Variants in NEDD1 observed in about 807,000 individuals in gnomAD.
The protein encoded by NEDD1 is protein NEDD1.
In NEDD1, 33 loss-of-function variants were observed where a neutral mutation model predicts 74.0. The ratio of observed to expected loss-of-function variants is 0.45; its 90% CI spans 0.34 to 0.60. NEDD1 has a LOEUF of 0.60. NEDD1 is among the 20% of genes least tolerant of loss of function. NEDD1 has a pLI of 0.01. For synonymous variants in NEDD1, 250 were observed against 264.4 expected (o/e 0.95, Z 0.53); for missense variants, 746 against 776.5 (o/e 0.96, Z 0.47).
At chr12:96,921,118 A>G (rs975736659) in intron 6 of NEDD1, among the ~76,000 whole-genome samples, 2 of 152,162 alleles carry the variant, frequency 1.3e-5, no homozygotes, top group African/African-American at 2.4e-5. Context: ...TACTATGACA[A>G]TATAAACTGG....
intron 6 of NEDD1, among the ~76,000 whole-genome samples, chr12:96,926,237 C>T (rs1875676312): frequency 6.6e-6 from 1 of 152,024 alleles, no homozygotes. Flanking sequence ...GCAACTTGAC[C>T]CCAGTGATCA....
intron 13 of NEDD1, among the ~76,000 whole-genome samples, 157 bp downstream of exon 13, chr12:96,944,952 C>T (rs897098079): frequency 1.3e-5 from 2 of 152,008 alleles, no homozygotes; most frequent in Admixed American, 6.6e-5. Flanking sequence ...TTACTAAAGA[C>T]AATGAAATGG....
At position 96,920,112 on chromosome 12, in the gene NEDD1, A is replaced by G; in HGVS notation, c.476A>G (p.His159Arg). The G allele has an allele frequency of 5.6e-6, 9 of 1,597,424 alleles. No homozygotes were observed. Among genetic ancestry groups the G allele is most frequent in the African/African-American group, 1.3e-5 (1 of 74,552 alleles). The change falls in exon 6 of 16, where the codon CAT becomes CGT. Residue 159 changes from histidine (H) to arginine (R), a missense_variant. By Grantham distance (29) the His-to-Arg change is conservative (BLOSUM62 0). Around this residue, in one of 3 missense-constraint regions of NEDD1, gnomAD observed 706 missense variants for 706.7 expected, o/e 1.00. Coordinates refer to ENST00000266742, the MANE Select transcript of NEDD1 (RefSeq NM_152905.4). ...AATTTATCTAGTACTCCTTTTGGCCATGGTAGTAACCAGGTACAGTATGAG... is the reference window on the plus strand; with the variant it reads ...AATTTATCTAGTACTCCTTTTGGCCGTGGTAGTAACCAGGTACAGTATGAG... Reference protein sequence around the residue: ...TTNLSSTPFGHGSNQSVRHLK... With the variant: ...TTNLSSTPFGRGSNQSVRHLK...
In NEDD1 at chr12:96,937,258, G is replaced by A. The variant is rs1480927915; in HGVS notation, c.982G>A (p.Val328Met). 1.2e-6 allele frequency: 2 copies of A among 1,612,692 alleles called. No homozygotes were observed. The highest frequency in any genetic ancestry group is 1.3e-5 in the African/African-American group (1 of 74,822). The change falls in exon 9 of 16, where the codon GTG (valine) becomes ATG (methionine). Residue 328 changes from valine to methionine, a missense_variant. By Grantham distance (21) the Val-to-Met change is conservative (BLOSUM62 1). Coordinates refer to ENST00000266742, the MANE Select transcript of NEDD1 (RefSeq NM_152905.4). ...PTTVNKRSVN[V>M]NAASGGVQNS... ...AACAGTGAACAAACGAAGTGTTAAT[G>A]TGAATGCTGCTAGTGGAGGAGTTCA... is the stretch of plus-strand genomic sequence containing the variant.
chr12:96,940,380 C>G (rs755190334), intron 9 of NEDD1, 29 bp from the exon 10 acceptor site: 29 of 1,406,550 alleles, frequency 2.1e-5, no homozygotes, highest in Non-Finnish European at 2.9e-5. Flanking sequence ...GATGTAATAA[C>G]ATTGATTTTT....
At chr12:96,932,708 C>G (rs993665607) in intron 6 of NEDD1, among the ~76,000 whole-genome samples, 3 of 150,674 alleles carry the variant, frequency 2.0e-5, no homozygotes, top group African/African-American at 7.3e-5. Flanking sequence ...ACTTAAGGGT[C>G]TTTTAAAAAA....
At chr12:96,929,828 C>T (rs1352841681) in intron 6 of NEDD1, among the ~76,000 whole-genome samples, 2 of 151,996 alleles carry the variant, frequency 1.3e-5, no homozygotes, top group Admixed American at 1.3e-4. Context: ...CTTGTCTTGA[C>T]CTTCCTGCAA....
At chr12:96,934,362 C>T (rs1001628334) in intron 6 of NEDD1, among the ~76,000 whole-genome samples, 4 of 151,916 alleles carry the variant, frequency 2.6e-5, no homozygotes, top group African/African-American at 9.7e-5. Flanking sequence ...GGTAGCTATA[C>T]TCCAAGATAA....
chr12:96,937,228 C>T lies in NEDD1; in HGVS notation c.952C>T (p.Pro318Ser). 1.2e-6 allele frequency: 2 copies of T among 1,608,376 alleles called. No homozygotes were observed. The highest frequency in any genetic ancestry group is 1.7e-6 in the Non-Finnish European group (2 of 1,176,850). ...SSLNKGCSNK[P>S]TTVNKRSVNV... ...TTTAAATAAAGGCTGTTCAAATAAG[C>T]CCACAACAGTGAACAAACGAAGTGT... The change falls in exon 9 of 16, where the codon CCC becomes TCC. Residue 318 changes from proline to serine, a missense_variant. By Grantham distance (74) the Pro-to-Ser change is moderately conservative (BLOSUM62 -1). Coordinates refer to ENST00000266742, the MANE Select transcript of NEDD1 (RefSeq NM_152905.4).
chr12:96,921,723 G>A (rs1443468224), intron 6 of NEDD1, among the ~76,000 whole-genome samples: 1 of 150,338 alleles, frequency 6.7e-6, no homozygotes, highest in African/African-American at 2.5e-5. Context: ...GCAGGGGAAT[G>A]ATCATGGCTC....
Position 96,909,814 on chromosome 12 carries a change from G to T in NEDD1, c.55G>T (p.Ala19Ser). 6.2e-7 allele frequency: 1 copy of T among 1,613,416 alleles called. No individual in the cohort carries two copies. The highest frequency in any genetic ancestry group is 2.2e-5 in the East Asian group (1 of 44,848). Residue 19 changes from alanine (A) to serine (S), a missense_variant, in exon 3 of 16, where the codon GCT (alanine) becomes TCT (serine). Around this residue, in one of 3 missense-constraint regions of NEDD1, gnomAD observed 706 missense variants for 706.7 expected, o/e 1.00. Coordinates refer to ENST00000266742, the MANE Select transcript of NEDD1 (RefSeq NM_152905.4). ...SSGDDIKIWD[A>S]SSMTLVDKFN... ...AGGAGATGATATTAAAATATGGGATGCTTCATCTATGACATTGGTGGATAA... is the reference window on the plus strand; with the variant it reads ...AGGAGATGATATTAAAATATGGGATTCTTCATCTATGACATTGGTGGATAA...
rs1184293855 is a variant in NEDD1, at chr12:96,935,077, A to G, written c.591A>G (p.Pro197=). ...TCTGGGATGTAAATAGTCAGAGTCC[A>G]TACCATAACTTTGACAGTGTACACA... is the stretch of plus-strand genomic sequence containing the variant. ...VTLWDVNSQS[P]YHNFDSVHKA... The change falls in exon 7 of 16, where the codon CCA becomes CCG. Residue 197 remains proline (P), a synonymous_variant. Transcript: ENST00000266742. 1.2e-6 allele frequency: 2 copies of G among 1,607,708 alleles called. No homozygotes were observed. Among genetic ancestry groups the G allele is most frequent in the Admixed American group, 1.7e-5 (1 of 60,016 alleles).
intron 14 of NEDD1, among the ~76,000 whole-genome samples, chr12:96,950,387 C>G (rs1448343165): frequency 6.6e-6 from 1 of 151,930 alleles, no homozygotes; most frequent in Non-Finnish European, 1.5e-5. Context: ...ACTTGAGTTA[C>G]AGTTGGTTAT....
chr12:96,936,853 A>C, intron 8 of NEDD1, 41 bp downstream of exon 8: 1 of 1,250,324 alleles, frequency 8.0e-7, no homozygotes, highest in Non-Finnish European at 1.2e-6. Context: ...TTTATTAAAT[A>C]AATCTAACTC....
chr12:96,909,904 TAAA>T lies in NEDD1; in HGVS notation c.136+19_136+21del, dbSNP rs34499067. 5.2e-4 allele frequency: 724 copies of T among 1,397,948 alleles called. No homozygotes were observed. The highest frequency in any genetic ancestry group is 1.6e-3 in the South Asian group (116 of 72,686). The allele number at this position is 1,397,948 out of a possible 1,614,324, so 86.6% of individuals were successfully genotyped here. A position where few individuals can be genotyped will look rare whatever the true frequency, so the allele number is the denominator to read the frequency against. ...ATGTTGGAGCAGCAATAGTATCCTTTAAAAAAAAAAAACACACACACACACACA... is the reference window on the plus strand; with the variant it reads ...ATGTTGGAGCAGCAATAGTATCCTTTAAAAAAAAACACACACACACACACA... On this transcript the variant is annotated intron_variant, in intron 3 of 15. Transcript: ENST00000266742.
Position 96,944,305 on chromosome 12 carries a change from A to C in NEDD1, c.1498-334A>C, listed in dbSNP as rs973783273. On this transcript the variant is annotated intron_variant, in intron 12 of 15. Coordinates refer to ENST00000266742, the MANE Select transcript of NEDD1 (RefSeq NM_152905.4). ...GTAAGAAGTACAAAAACATCTTTTG[A>C]TTTATTTTGCAAATATTATTGACTG... Among the ~76,000 whole-genome samples the C allele has an allele frequency of 3.0e-4, 45 of 152,034 alleles. 1 individual carries two copies. Among genetic ancestry groups the C allele is most frequent in the African/African-American group, 1.1e-3 (45 of 41,442 alleles).
chr12:96,907,676 T>G lies in NEDD1; in HGVS notation c.-189T>G. 1 of 1,551,378 alleles carries G rather than the reference T, an allele frequency of 6.4e-7. No homozygotes were observed. Reference sequence around the variant, plus strand: ...GCAAGTAAAGTGTATTTTTGGTGATTGAAAGTTGGAGAACTTTCATTTCAG... The same window carrying G: ...GCAAGTAAAGTGTATTTTTGGTGATGGAAAGTTGGAGAACTTTCATTTCAG... On this transcript the variant is annotated 5_prime_UTR_variant, in exon 2 of 16. In the 5' UTR this introduces an upstream ATG that the reference lacks. Transcript: ENST00000266742.
chr12:96,942,121 G>A (rs1877721316), intron 10 of NEDD1, among the ~76,000 whole-genome samples: 3 of 152,046 alleles, frequency 2.0e-5, no homozygotes, highest in African/African-American at 7.2e-5. Flanking sequence ...ACTTTGTTCT[G>A]CTTTGCAAAA....
At position 96,929,623 on chromosome 12, in the gene NEDD1, AT is replaced by A. The variant is rs1555202701; in HGVS notation, c.490-5343del. Among the ~76,000 whole-genome samples the A allele has an allele frequency of 7.6e-3, 959 of 126,178 alleles. 19 individuals carry two copies. The highest frequency in any genetic ancestry group is 0.027 in the African/African-American group (901 of 33,014). The allele number at this position is 126,178 out of a possible 152,430, so 82.8% of individuals were successfully genotyped here. A position where few individuals can be genotyped will look rare whatever the true frequency, so the allele number is the denominator to read the frequency against. On this transcript the variant is annotated intron_variant, in intron 6 of 15. Coordinates refer to ENST00000266742, the MANE Select transcript of NEDD1 (RefSeq NM_152905.4). ...CACATATGTGTATATATATATATAT[AT>A]TTTTTTTTTAATGGCTGCTTGCTTT...
Sources: allele counts gnomAD v4.1 joint callset (sites outside exome capture counted in the v4.1 genomes callset), GRCh38; gene constraint gnomAD v4.1.1; regional missense constraint gnomAD v4.1.1; transcripts MANE v1.5; gene names NCBI Gene and HGNC (gene_info 2026-07-23, HGNC 2026-07-21).